FBXW10B: variants seen among roughly 807,000 people sequenced by gnomAD.
FBXW10B encodes F-box and WD repeat domain containing protein 10B.
At chr17:15,587,918 C>CT in the FBXW10B span, among the ~76,000 whole-genome samples, 1 of 152,198 alleles carries the variant, frequency 6.6e-6, no homozygotes, top group Non-Finnish European at 1.5e-5. Context: ...GGAATTATGG[C>CT]TTCTGCTAGG....
chr17:15,594,544 G>A, the FBXW10B span: 27 of 685,164 alleles, frequency 3.9e-5, 1 homozygote, highest in Admixed American at 3.0e-5. Flanking sequence ...AAAAACAAGG[G>A]AGAGTGGAAG....
chr17:15,568,250 T>C, the FBXW10B span, among the ~76,000 whole-genome samples: 2 of 152,212 alleles, frequency 1.3e-5, no homozygotes, highest in South Asian at 4.1e-4. Context: ...GGTTTTTTAG[T>C]GCACATGCCA....
the FBXW10B span, among the ~76,000 whole-genome samples, chr17:15,586,662 A>C: frequency 2.0e-5 from 3 of 151,478 alleles, no homozygotes; most frequent in Non-Finnish European, 4.4e-5. Context: ...AACAAATAGG[A>C]AACAGAGGGA....
At chr17:15,617,444 C>A in the FBXW10B span, among the ~76,000 whole-genome samples, 2 of 152,160 alleles carry the variant, frequency 1.3e-5, no homozygotes, top group East Asian at 3.9e-4. Context: ...CTCCTGGACC[C>A]CTCCAAGGCT....
the FBXW10B span, among the ~76,000 whole-genome samples, chr17:15,599,187 A>T: frequency 6.7e-6 from 1 of 148,178 alleles, no homozygotes; most frequent in Non-Finnish European, 1.5e-5. Flanking sequence ...AAAAAAAAAA[A>T]AAAGAGTATT....
the FBXW10B span, among the ~76,000 whole-genome samples, chr17:15,584,968 CTTTT>C: frequency 4.0e-4 from 50 of 125,908 alleles, no homozygotes; most frequent in African/African-American, 1.2e-3. Flanking sequence ...CCTTCTTCTT[CTTTT>C]TTTTTTTTTT....
the FBXW10B span, among the ~76,000 whole-genome samples, chr17:15,617,960 A>G: frequency 4.6e-5 from 7 of 152,186 alleles, no homozygotes; most frequent in African/African-American, 9.7e-5. Context: ...AGATTCTCCA[A>G]CACCCTAGGC....
the FBXW10B span, among the ~76,000 whole-genome samples, chr17:15,591,647 G>A: frequency 6.6e-6 from 1 of 152,102 alleles, no homozygotes; most frequent in Non-Finnish European, 1.5e-5. Flanking sequence ...TGTACCTAGG[G>A]TGCCAAGAAG....
At chr17:15,599,099 C>T in the FBXW10B span, among the ~76,000 whole-genome samples, 2 of 147,448 alleles carry the variant, frequency 1.4e-5, no homozygotes, top group Non-Finnish European at 3.0e-5. Context: ...TGCTTGAATC[C>T]GGCAGGCAGA....
chr17:15,578,506 C>T, the FBXW10B span, among the ~76,000 whole-genome samples: 89 of 152,040 alleles, frequency 5.9e-4, no homozygotes, highest in Admixed American at 3.9e-4. Context: ...AAGTAGAGTC[C>T]TATAAATTAA....
At chr17:15,602,857 G>A in the FBXW10B span, among the ~76,000 whole-genome samples, 7 of 122,684 alleles carry the variant, frequency 5.7e-5, 2 homozygotes, top group Non-Finnish European at 8.1e-5. Flanking sequence ...TCGATCTCCT[G>A]ACCTCGTGAT....
At chr17:15,614,040 T>G in the FBXW10B span, 3 of 1,609,880 alleles carry the variant, frequency 1.9e-6, no homozygotes, top group Non-Finnish European at 2.5e-6. Flanking sequence ...TCCTCTAGAG[T>G]GAAGCCGGAG....
At chr17:15,612,055 T>C in the FBXW10B span, among the ~76,000 whole-genome samples, 1 of 152,166 alleles carries the variant, frequency 6.6e-6, no homozygotes, top group African/African-American at 2.4e-5. Flanking sequence ...TCCAGAGGCA[T>C]GGGCTGATGG....
chr17:15,611,574 C>G, the FBXW10B span, among the ~76,000 whole-genome samples: 3 of 152,130 alleles, frequency 2.0e-5, no homozygotes, highest in South Asian at 2.1e-4. Flanking sequence ...CTCCCCACAC[C>G]ACCCGTCTCC....
the FBXW10B span, among the ~76,000 whole-genome samples, chr17:15,616,048 A>G: frequency 1.3e-5 from 2 of 152,026 alleles, no homozygotes; most frequent in African/African-American, 4.8e-5. Context: ...TTATACAAGC[A>G]GAGAGAGAGA....
At chr17:15,572,582 A>T in the FBXW10B span, 1 of 152,042 alleles carries the variant, frequency 6.6e-6, no homozygotes, top group African/African-American at 2.4e-5. Context: ...GCTCTAAAAG[A>T]TCATTCTAGG....
the FBXW10B span, among the ~76,000 whole-genome samples, chr17:15,580,853 A>G: frequency 6.7e-3 from 1,014 of 152,174 alleles, 5 homozygotes; most frequent in African/African-American, 0.023. Context: ...TGAATGAACA[A>G]GTCAACACTA....
chr17:15,591,271 T>C, the FBXW10B span, among the ~76,000 whole-genome samples: 1 of 152,192 alleles, frequency 6.6e-6, no homozygotes, highest in African/African-American at 2.4e-5. Flanking sequence ...TTGGCTAAAC[T>C]GCTAATAGTC....
the FBXW10B span, among the ~76,000 whole-genome samples, chr17:15,601,191 C>T: frequency 2.7e-5 from 4 of 149,942 alleles, no homozygotes; most frequent in African/African-American, 9.8e-5. Context: ...GGGCGGATCA[C>T]AAGGTCAGGA....
Sources: gnomAD v4.1 joint callset for allele counts (sites outside exome capture counted in the v4.1 genomes callset) on GRCh38, gnomAD v4.1.1 for gene constraint, MANE v1.5 for transcripts, NCBI Gene and HGNC (gene_info 2026-07-23, HGNC 2026-07-21) for gene names.